USH2A: variants seen among roughly 807,000 people sequenced by gnomAD.
USH2A encodes Usher syndrome 2A (autosomal recessive, mild).
A neutral mutation model predicts 538.9 loss-of-function variants in USH2A; 443 were observed. That is an observed-to-expected ratio of 0.82 (90% CI 0.76 to 0.89). The LOEUF (loss-of-function observed/expected upper bound fraction) is 0.89. Ranked by LOEUF, USH2A falls within the 40% of genes least tolerant of loss-of-function variation. The probability of loss-of-function intolerance (pLI) is 0.00; values close to 1 mark genes in which losing one functional copy is unlikely to be tolerated. For missense variants in USH2A, 6,633 were observed against 6,324.8 expected, an observed-to-expected ratio of 1.05 and a Z score of -1.65; for synonymous variants, 2,413 against 2,273.5, an observed-to-expected ratio of 1.06 and a Z score of -1.75.
chr1:215,996,815 T>C (rs1001975769), intron 34 of USH2A, among the ~76,000 whole-genome samples: 4 of 152,066 alleles, frequency 2.6e-5, no homozygotes, highest in African/African-American at 9.7e-5. Flanking sequence ...TTTCAGCAGT[T>C]TATAATCCAG....
chr1:215,749,979 T>C (rs558872056), intron 58 of USH2A, among the ~76,000 whole-genome samples: 2 of 40,792 alleles, frequency 4.9e-5, no homozygotes, highest in African/African-American at 1.4e-4. Flanking sequence ...GTTAAATTAT[T>C]CAACTATTTT....
chr1:216,036,097 G>T (rs1048597265), intron 32 of USH2A, among the ~76,000 whole-genome samples: 2 of 152,052 alleles, frequency 1.3e-5, no homozygotes, highest in African/African-American at 4.8e-5. Context: ...TAGTGCTAGA[G>T]GTCATCTATG....
chr1:216,196,935 A>C (rs1286024940), intron 18 of USH2A, among the ~76,000 whole-genome samples: 2 of 152,168 alleles, frequency 1.3e-5, no homozygotes, highest in African/African-American at 4.8e-5. Context: ...TCATATTACC[A>C]GCTACTTTCT....
At chr1:216,384,378 G>C (rs1365651704) in intron 3 of USH2A, among the ~76,000 whole-genome samples, 1 of 152,066 alleles carries the variant, frequency 6.6e-6, no homozygotes, top group Non-Finnish European at 1.5e-5. Flanking sequence ...GTACGAGGTA[G>C]GGGAAGAAAT....
intron 14 of USH2A, 102 bp from the exon 15 acceptor site, chr1:216,217,652 G>T: frequency 7.3e-7 from 1 of 1,366,296 alleles, no homozygotes. Flanking sequence ...AAGACGGCTT[G>T]TTTTAGCCAA....
intron 30 of USH2A, among the ~76,000 whole-genome samples, chr1:216,066,563 G>C (rs2031378411): frequency 1.3e-5 from 2 of 152,050 alleles, no homozygotes; most frequent in Non-Finnish European, 2.9e-5. Context: ...ATATCCTGTA[G>C]GTAACTTTGA....
At chr1:215,786,915 A>G in intron 51 of USH2A, 41 bp from the exon 52 acceptor site, 1 of 1,599,686 alleles carries the variant, frequency 6.3e-7, no homozygotes, top group Non-Finnish European at 8.5e-7. Context: ...GGGGTATTTA[A>G]AAATTTCATT....
intron 32 of USH2A, among the ~76,000 whole-genome samples, chr1:216,008,443 C>T (rs1269502751): frequency 6.6e-6 from 1 of 152,086 alleles, no homozygotes; most frequent in East Asian, 1.9e-4. Flanking sequence ...ACCCCTATCT[C>T]CCTTCGCTGA....
intron 32 of USH2A, among the ~76,000 whole-genome samples, chr1:216,013,040 CT>C (rs1668614573): frequency 6.6e-6 from 1 of 151,958 alleles, no homozygotes. Flanking sequence ...CAAACTGCCA[CT>C]CTTAACTCTT....
intron 30 of USH2A, among the ~76,000 whole-genome samples, chr1:216,060,172 C>T (rs981030444): frequency 1.3e-5 from 2 of 152,208 alleles, no homozygotes; most frequent in African/African-American, 4.8e-5. Context: ...ATATGTGGTT[C>T]ATAAACCTTC....
At chr1:215,866,221 T>A (rs1664463817) in intron 44 of USH2A, among the ~76,000 whole-genome samples, 1 of 152,162 alleles carries the variant, frequency 6.6e-6, no homozygotes. Context: ...ATTCAGGGTT[T>A]TTTTCCTGAT....
intron 20 of USH2A, 70 bp from the exon 21 acceptor site, chr1:216,175,552 T>C: frequency 1.5e-6 from 2 of 1,366,698 alleles, no homozygotes; most frequent in East Asian, 2.3e-5. Flanking sequence ...TATTCACATA[T>C]ACGTATATAT....
At chr1:215,759,487 T>G (rs779694188) in intron 57 of USH2A, among the ~76,000 whole-genome samples, 173 bp downstream of exon 57, 1 of 152,152 alleles carries the variant, frequency 6.6e-6, no homozygotes, top group Non-Finnish European at 1.5e-5. Context: ...TTAAGAAATT[T>G]CGTGAAGTCT....
intron 69 of USH2A, among the ~76,000 whole-genome samples, chr1:215,635,627 C>T (rs141219272): frequency 0.01 from 1,564 of 151,776 alleles, 17 homozygotes; most frequent in South Asian, 0.027. Context: ...GTGATCTCCG[C>T]TCACTGCAAC....
intron 9 of USH2A, among the ~76,000 whole-genome samples, chr1:216,303,892 G>C (rs1336564050): frequency 6.6e-6 from 1 of 151,888 alleles, no homozygotes; most frequent in African/African-American, 2.4e-5. Context: ...GCTAGCAAAT[G>C]ATCAATCTTT....
At chr1:215,879,871 A>C (rs1664863701) in intron 41 of USH2A, among the ~76,000 whole-genome samples, 1 of 152,194 alleles carries the variant, frequency 6.6e-6, no homozygotes, top group Non-Finnish European at 1.5e-5. Context: ...GATCCTAAAA[A>C]ATGTGCACAG....
intron 35 of USH2A, among the ~76,000 whole-genome samples, chr1:215,988,988 G>GTTA (rs1667944294): frequency 6.6e-6 from 1 of 152,204 alleles, no homozygotes; most frequent in African/African-American, 2.4e-5. Flanking sequence ...GTCAGAATCA[G>GTTA]TTATGACAAG....
At chr1:215,692,100 G>A (rs1658632774) in intron 61 of USH2A, among the ~76,000 whole-genome samples, 1 of 152,198 alleles carries the variant, frequency 6.6e-6, no homozygotes, top group South Asian at 2.1e-4. Flanking sequence ...GGTAAGCAGT[G>A]TCAAATGCTG....
chr1:215,629,495 C>CT (rs1029071752), intron 70 of USH2A, among the ~76,000 whole-genome samples: 1 of 152,178 alleles, frequency 6.6e-6, no homozygotes, highest in Non-Finnish European at 1.5e-5. Flanking sequence ...TGGTGGTCCA[C>CT]TATGTGAGCT....
Sources: gnomAD v4.1 joint callset for allele counts (sites outside exome capture counted in the v4.1 genomes callset) on GRCh38, gnomAD v4.1.1 for gene constraint, MANE v1.5 for transcripts, NCBI Gene and HGNC (gene_info 2026-07-23, HGNC 2026-07-21) for gene names.